GEMIN5: variants seen among roughly 807,000 people sequenced by gnomAD.
GEMIN5 encodes the protein gem nuclear organelle associated protein 5.
In GEMIN5, 124 loss-of-function variants were observed where a neutral mutation model predicts 176.9. The observed-to-expected ratio is 0.70, with a 90% CI of 0.61 to 0.81. The LOEUF (loss-of-function observed/expected upper bound fraction) is 0.81. GEMIN5 is among the 40% of genes least tolerant of loss of function. The pLI is 0.00. For synonymous variants in GEMIN5, 673 were observed against 665.2 expected (o/e 1.01, Z -0.18); for missense variants, 1,843 against 1,814.6 (o/e 1.02, Z -0.28).
intron 18 of GEMIN5, among the ~76,000 whole-genome samples, chr5:154,903,856 A>C (rs1266557531): frequency 6.6e-6 from 1 of 151,920 alleles, no homozygotes; most frequent in Non-Finnish European, 1.5e-5. Flanking sequence ...AAATAGAGAG[A>C]GGGTCTCACT....
chr5:154,919,101 G>C (rs1221168384), intron 11 of GEMIN5, among the ~76,000 whole-genome samples: 4 of 151,430 alleles, frequency 2.6e-5, no homozygotes, highest in African/African-American at 9.7e-5. Context: ...GGCCAAAGCA[G>C]GTGGATCACT....
chr5:154,894,963 C>A (rs1386097156), intron 24 of GEMIN5, among the ~76,000 whole-genome samples: 1 of 151,562 alleles, frequency 6.6e-6, no homozygotes, highest in African/African-American at 2.4e-5. Context: ...CCTGTAATCC[C>A]AGCTACTTGG....
intron 23 of GEMIN5, among the ~76,000 whole-genome samples, chr5:154,897,227 C>T (rs570971000): frequency 5.9e-5 from 9 of 152,196 alleles, no homozygotes; most frequent in Non-Finnish European, 1.0e-4. Context: ...CCATGTACCA[C>T]GTTCCTTGGG....
rs1303506269 is a variant in GEMIN5 at position 154,889,315 on chromosome 5, T to G, written c.4359+6A>C. On this transcript the variant is annotated splice_donor_region_variant and intron_variant, in intron 27 of 27. Coordinates refer to ENST00000285873, the MANE Select transcript of GEMIN5 (RefSeq NM_015465.5). ...GCTTTACCAAATGAACTGCTTTAAC[T>G]CTTACCTTAATGCTCTCAGGAAATT... 1 of 1,460,422 alleles carries G rather than the reference T, an allele frequency of 6.8e-7. No individual in the cohort carries two copies. The highest frequency in any genetic ancestry group is 9.6e-7 in the Non-Finnish European group (1 of 1,039,966). The allele number at this position is 1,460,422 out of a possible 1,614,324, so 90.5% of individuals were successfully genotyped here. A position where few individuals can be genotyped will look rare whatever the true frequency, so the allele number is the denominator to read the frequency against.
At chr5:154,905,497 G>GA (rs768967515) in intron 16 of GEMIN5, 21 bp from the exon 17 acceptor site, 948 of 1,144,634 alleles carry the variant, frequency 8.3e-4, no homozygotes, top group Middle Eastern at 1.2e-3. Context: ...GGGGAAAAAG[G>GA]AAAAAAAAAG....
chr5:154,931,408 C>A (rs759798298), intron 5 of GEMIN5, 50 bp downstream of exon 5: 1 of 1,553,984 alleles, frequency 6.4e-7, no homozygotes, highest in East Asian at 2.3e-5. Flanking sequence ...AAACCCTCTA[C>A]TTCCACCAGA....
At chr5:154,923,320 T>C (rs1359863440) in intron 9 of GEMIN5, among the ~76,000 whole-genome samples, 1 of 151,932 alleles carries the variant, frequency 6.6e-6, no homozygotes, top group Non-Finnish European at 1.5e-5. Flanking sequence ...GCGAAGGTTT[T>C]GGTGAGCTGA....
In GEMIN5 at chr5:154,898,443, T is replaced by C. The variant is rs1317683352; in HGVS notation, c.3342A>G (p.Leu1114=). The C allele has an allele frequency of 6.2e-7, 1 of 1,611,982 alleles. No homozygotes were observed. The highest frequency in any genetic ancestry group is 1.7e-5 in the Admixed American group (1 of 60,020). ...AQEALQLHES[L]QGQRLVFCLL... ...GGAGATGAAATAACAGACTGACCTGTAGACTTTCATGCAGCTGCAGGGCTT... is the reference window on the plus strand; with the variant it reads ...GGAGATGAAATAACAGACTGACCTGCAGACTTTCATGCAGCTGCAGGGCTT... Residue 1114 remains leucine, a synonymous_variant, in exon 23 of 28, where the codon CTA becomes CTG. Transcript: ENST00000285873.
At chr5:154,921,247 C>G in intron 10 of GEMIN5, 96 bp downstream of exon 10, 1 of 738,466 alleles carries the variant, frequency 1.4e-6, no homozygotes, top group Non-Finnish European at 2.5e-6. Flanking sequence ...AGTCAGTGCA[C>G]TAGACCATTT....
In GEMIN5 at chr5:154,905,494, A is replaced by G. The variant is rs749672169; in HGVS notation, c.2396-18T>C. On this transcript the variant is annotated intron_variant, in intron 16 of 27. Coordinates refer to ENST00000285873, the MANE Select transcript of GEMIN5 (RefSeq NM_015465.5). ...TCTAGAAACTACATCATGGGGGAAA[A>G]AGGAAAAAAAAAGTTAAGGATAACA... The G allele has an allele frequency of 2.4e-6, 3 of 1,249,234 alleles. No individual in the cohort carries two copies. Among genetic ancestry groups the G allele is most frequent in the Non-Finnish European group, 3.4e-6 (3 of 874,920 alleles). The allele number at this position is 1,249,234 out of a possible 1,614,324, so 77.4% of individuals were successfully genotyped here.
At chr5:154,902,489 T>C in intron 20 of GEMIN5, 50 bp downstream of exon 20, 2 of 1,586,010 alleles carry the variant, frequency 1.3e-6, no homozygotes, top group Non-Finnish European at 1.7e-6. Flanking sequence ...GGACGTATCC[T>C]AGAGATGATA....
At chr5:154,911,499 C>T (rs935485296) in intron 15 of GEMIN5, among the ~76,000 whole-genome samples, 2 of 152,104 alleles carry the variant, frequency 1.3e-5, no homozygotes, top group East Asian at 1.9e-4. Flanking sequence ...GGCAACAGAG[C>T]GAGACTCTGT....
chr5:154,891,055 CTTTTTTTTTTTTT>C (rs548747613), intron 26 of GEMIN5, among the ~76,000 whole-genome samples, 173 bp downstream of exon 26: 1 of 93,938 alleles, frequency 1.1e-5, no homozygotes, highest in Non-Finnish European at 1.9e-5. Flanking sequence ...TGTGCCCGGG[CTTTTTTTTTTTTT>C]TTTTTTTTGT....
In GEMIN5 at chr5:154,896,198, C is replaced by G. The variant is rs771679430; in HGVS notation, c.3491G>C (p.Trp1164Ser). ...GPFVERVTAV[W>S]KSIFSLDTPE... ...GGTGTCAAGGCTGAAGATGCTCTTC[C>G]ACACTGCAGTCACCCTCTCCACGAA... The change falls in exon 24 of 28, where the codon TGG becomes TCG. Residue 1164 changes from tryptophan to serine, a missense_variant. Transcript: ENST00000285873. The G allele has an allele frequency of 6.2e-7, 1 of 1,614,018 alleles. No individual in the cohort carries two copies. The highest frequency in any genetic ancestry group is 1.1e-5 in the South Asian group (1 of 91,048).
intron 5 of GEMIN5, among the ~76,000 whole-genome samples, chr5:154,930,515 A>G (rs1212409769): frequency 6.6e-6 from 1 of 152,266 alleles, no homozygotes; most frequent in African/African-American, 2.4e-5. Context: ...AGCCTTAGAA[A>G]GGAAGGATAT....
chr5:154,900,917 G>A (rs1488186516), intron 21 of GEMIN5, among the ~76,000 whole-genome samples: 2 of 152,016 alleles, frequency 1.3e-5, no homozygotes, highest in African/African-American at 4.8e-5. Flanking sequence ...TTGCCCTAAC[G>A]AAGTTTAAAA....
chr5:154,924,748 G>C (rs1029350502), intron 8 of GEMIN5, among the ~76,000 whole-genome samples, 194 bp from the exon 9 acceptor site: 1 of 152,202 alleles, frequency 6.6e-6, no homozygotes, highest in South Asian at 2.1e-4. Context: ...CCAGCACTTT[G>C]GGAGGCAGAG....
intron 18 of GEMIN5, 109 bp from the exon 19 acceptor site, chr5:154,903,284 G>C (rs1763502097): frequency 5.7e-6 from 4 of 704,166 alleles, no homozygotes; most frequent in African/African-American, 3.5e-5. Context: ...CAGACACTGA[G>C]AGAATCAGAG....
chr5:154,899,324 C>G lies in GEMIN5; in HGVS notation c.3015-14G>C, dbSNP rs1191988838. The G allele has an allele frequency of 3.1e-6, 5 of 1,605,284 alleles. No homozygotes were observed. Among genetic ancestry groups the G allele is most frequent in the Non-Finnish European group, 4.3e-6 (5 of 1,175,542 alleles). Reference sequence around the variant, plus strand: ...GCAATAGCTTCCCTAAAGGCAAGAACAGACCCTTTAGCCAATCTGAAAAGG... The same window carrying G: ...GCAATAGCTTCCCTAAAGGCAAGAAGAGACCCTTTAGCCAATCTGAAAAGG... On this transcript the variant is annotated splice_polypyrimidine_tract_variant and intron_variant, in intron 21 of 27. Coordinates refer to ENST00000285873, the MANE Select transcript of GEMIN5 (RefSeq NM_015465.5).
Sources: allele counts gnomAD v4.1 joint callset (sites outside exome capture counted in the v4.1 genomes callset), GRCh38; gene constraint gnomAD v4.1.1; transcripts MANE v1.5; gene names NCBI Gene and HGNC (gene_info 2026-07-23, HGNC 2026-07-21).